The following ZNF497 variants were observed in gnomAD, a reference collection of about 807,000 sequenced individuals.
ZNF497 encodes the protein zinc finger-like protein.
For synonymous variants in ZNF497, 422 were observed against 313.7 expected (o/e 1.35, Z -3.65); for missense variants, 930 against 714.0 (o/e 1.30, Z -3.45).
At chr19:58,357,707 G>A in intron 2 of ZNF497, 58 bp from the exon 3 acceptor site, 3 of 1,447,084 alleles carry the variant, frequency 2.1e-6, no homozygotes, top group Admixed American at 2.5e-5. Flanking sequence ...CCAGACAGAG[G>A]GCCTGAGGGG....
chr19:58,358,768 T>C (rs1345330778), intron 1 of ZNF497, 183 bp from the exon 2 acceptor site: 1 of 458,784 alleles, frequency 2.2e-6, no homozygotes, highest in Admixed American at 2.4e-5. Flanking sequence ...ACCACCAAAC[T>C]CCCACCTGTC....
chr19:58,354,689 C>G lies in ZNF497; in HGVS notation c.*1450G>C, dbSNP rs2148003883. The G allele has an allele frequency of 6.6e-6, 1 of 152,618 alleles. No homozygotes were observed. Among genetic ancestry groups the G allele is most frequent in the Non-Finnish European group, 1.5e-5 (1 of 68,254 alleles). 9.5% of individuals were successfully genotyped at this position (152,618 alleles called of 1,614,324 possible). A position where few individuals can be genotyped will look rare whatever the true frequency, so the allele number is the denominator to read the frequency against. On this transcript the variant is annotated 3_prime_UTR_variant, in exon 3 of 3. Coordinates refer to ENST00000311044, the MANE Select transcript of ZNF497 (RefSeq NM_198458.3). The stretch of plus-strand genomic sequence containing the variant: ...TCTCTGTCCTGCTCAGAGCCAGTAC[C>G]TGGATGGAGGCTGTGTGTTCTGGGT...
In ZNF497 at chr19:58,355,273, G is replaced by C. The variant is rs1398127628; in HGVS notation, c.*866C>G. ...GCCTATAATCCCAACGCTTTGGGAG[G>C]CTGAGGCAGGAGGATCACTTGAGCC... On this transcript the variant is annotated 3_prime_UTR_variant, in exon 3 of 3. Transcript: ENST00000311044. The C allele has an allele frequency of 6.6e-6, 1 of 152,418 alleles. No individual in the cohort carries two copies. Among genetic ancestry groups the C allele is most frequent in the Non-Finnish European group, 1.5e-5 (1 of 68,182 alleles). The allele number at this position is 152,418 out of a possible 1,614,324, so 9.4% of individuals were successfully genotyped here.
chr19:58,358,551 G>A lies in ZNF497; in HGVS notation c.-77C>T. 1.7e-6 allele frequency: 2 copies of A among 1,188,946 alleles called. No homozygotes were observed. The highest frequency in any genetic ancestry group is 2.1e-6 in the Non-Finnish European group (2 of 941,510). The allele number at this position is 1,188,946 out of a possible 1,614,324, so 73.6% of individuals were successfully genotyped here. A position where few individuals can be genotyped will look rare whatever the true frequency, so the allele number is the denominator to read the frequency against. On this transcript the variant is annotated 5_prime_UTR_variant, in exon 2 of 3. Coordinates refer to ENST00000311044, the MANE Select transcript of ZNF497 (RefSeq NM_198458.3). The stretch of plus-strand genomic sequence containing the variant: ...TTGCTCCTCTCCCTCCTCTGTCCTG[G>A]GGACCAGCTCCTCTTGGGGCCTGGG...
chr19:58,356,753 T>G lies in ZNF497; in HGVS notation c.883A>C (p.Thr295Pro). The change falls in exon 3 of 3, where the codon ACG becomes CCG. Residue 295 changes from threonine to proline, a missense_variant. By Grantham distance (38) the Thr-to-Pro change is conservative. Coordinates refer to ENST00000311044, the MANE Select transcript of ZNF497 (RefSeq NM_198458.3). ...RVAGLRQHRR[T>P]HSSEKPFPCA... The stretch of plus-strand genomic sequence containing the variant: ...GGGAAGGGCTTCTCGCTGCTGTGCG[T>G]GCGCCGGTGCTGCCGCAGCCCCGCC... 1 of 1,560,964 alleles carries G rather than the reference T, an allele frequency of 6.4e-7. No homozygotes were observed. Among genetic ancestry groups the G allele is most frequent in the Non-Finnish European group, 8.6e-7 (1 of 1,160,558 alleles).
rs1217532970 is a variant in ZNF497, at chr19:58,355,890, G to GGA, written c.*247_*248dup. 7 of 473,432 alleles carry GGA rather than the reference G, an allele frequency of 1.5e-5. No individual in the cohort carries two copies. Among genetic ancestry groups the GGA allele is most frequent in the Non-Finnish European group, 2.6e-5 (7 of 272,192 alleles). The allele number at this position is 473,432 out of a possible 1,614,324, so 29.3% of individuals were successfully genotyped here. ...GCATGGACGAACCTCTCGCCGAAGT[G>GGA]GAGCCTGCCGCCCTCCCTGGGGTAA... is the stretch of plus-strand genomic sequence containing the variant. On this transcript the variant is annotated 3_prime_UTR_variant, in exon 3 of 3. Coordinates refer to ENST00000311044, the MANE Select transcript of ZNF497 (RefSeq NM_198458.3).
chr19:58,358,279 C>T, intron 2 of ZNF497: 1 of 1,289,600 alleles, frequency 7.8e-7, no homozygotes, highest in Middle Eastern at 2.1e-4. Flanking sequence ...GCTGTGCAGC[C>T]CAGATCCCTG....
intron 1 of ZNF497, among the ~76,000 whole-genome samples, chr19:58,360,976 G>A (rs1345931327): frequency 6.6e-6 from 1 of 151,864 alleles, no homozygotes; most frequent in Admixed American, 6.6e-5. Context: ...TAGAGCCGGG[G>A]TTTCACCGTG....
intron 2 of ZNF497, 23 bp downstream of exon 2, chr19:58,358,466 C>T (rs1262384778): frequency 1.8e-6 from 2 of 1,092,756 alleles, no homozygotes; most frequent in African/African-American, 1.8e-5. Flanking sequence ...AGGGCAGGGA[C>T]AAGTGTGTAG....
intron 1 of ZNF497, among the ~76,000 whole-genome samples, chr19:58,359,971 CAAAA>C (rs36026323): frequency 7.4e-6 from 1 of 136,026 alleles, no homozygotes. Flanking sequence ...GACTCTGTCT[CAAAA>C]AAAAAAAAAA....
At chr19:58,360,289 G>A (rs1379018060) in intron 1 of ZNF497, among the ~76,000 whole-genome samples, 2 of 152,046 alleles carry the variant, frequency 1.3e-5, no homozygotes, top group Non-Finnish European at 2.9e-5. Flanking sequence ...AGGATGAATT[G>A]TATGGTATTT....
chr19:58,356,411 T>A lies in ZNF497; in HGVS notation c.1225A>T (p.Thr409Ser). The change falls in exon 3 of 3, where the codon ACG becomes TCG. Residue 409 changes from threonine (T) to serine (S), a missense_variant. Thr to Ser is a moderately conservative substitution (Grantham distance 58). Transcript: ENST00000311044. ...SGLAHHRLSH[T>S]GERPFACAEC... ...GCGCAGGCGAAGGGTCGCTCTCCCG[T>A]GTGCGAAAGCCGGTGGTGCGCCAGG... 6.4e-7 allele frequency: 1 copy of A among 1,564,984 alleles called. No individual in the cohort carries two copies. The highest frequency in any genetic ancestry group is 8.6e-7 in the Non-Finnish European group (1 of 1,160,222).
chr19:58,356,397 G>C lies in ZNF497; in HGVS notation c.1239C>G (p.Pro413=). The stretch of plus-strand genomic sequence containing the variant: ...CCTTGCCGCATTCTGCGCAGGCGAA[G>C]GGTCGCTCTCCCGTGTGCGAAAGCC... ...HHRLSHTGER[P]FACAECGKAF... The change falls in exon 3 of 3, where the codon CCC becomes CCG. Residue 413 remains proline (P), a synonymous_variant. Transcript: ENST00000311044. 1 of 1,566,050 alleles carries C rather than the reference G, an allele frequency of 6.4e-7. No individual in the cohort carries two copies. The highest frequency in any genetic ancestry group is 8.6e-7 in the Non-Finnish European group (1 of 1,160,102).
rs531695091 is a variant in ZNF497 at position 58,357,230 on chromosome 19, A to G, written c.406T>C (p.Cys136Arg). ...RVHTGEKPYT[C>R]PECGKAFAWS... is the part of the protein sequence containing the mutation. The stretch of plus-strand genomic sequence containing the variant: ...GCGAAGGCCTTGCCGCACTCGGGGC[A>G]CGTGTACGGCTTCTCGCCTGTGTGC... Residue 136 changes from cysteine to arginine, a missense_variant, in exon 3 of 3, where the codon TGC becomes CGC. Cys to Arg is a radical substitution (Grantham distance 180). Transcript: ENST00000311044. 3 of 1,613,110 alleles carry G rather than the reference A, an allele frequency of 1.9e-6. No individual in the cohort carries two copies. The highest frequency in any genetic ancestry group is 3.3e-5 in the Admixed American group (2 of 59,990).
intron 1 of ZNF497, among the ~76,000 whole-genome samples, chr19:58,359,983 AAAG>A (rs1047646602): frequency 7.9e-5 from 12 of 152,164 alleles, no homozygotes; most frequent in South Asian, 4.1e-4. Flanking sequence ...AAAAAAAAAA[AAAG>A]AGAATAAATA....
intron 1 of ZNF497, among the ~76,000 whole-genome samples, chr19:58,361,226 A>G (rs1230160927): frequency 1.3e-5 from 2 of 152,220 alleles, no homozygotes; most frequent in African/African-American, 2.4e-5. Context: ...ACAGATTACT[A>G]GTTGACAAAA....
At position 58,357,429 on chromosome 19, in the gene ZNF497, G is replaced by A. The variant is rs773835565; in HGVS notation, c.207C>T (p.Gly69=). 6.2e-7 allele frequency: 1 copy of A among 1,601,074 alleles called. No homozygotes were observed. The highest frequency in any genetic ancestry group is 1.1e-5 in the South Asian group (1 of 90,022). Reference sequence around the variant, plus strand: ...CTGCGGGGCCCAGCTCCCTGCCGGGGCCTCCCTGTTCGTCCGCCGCCCCCA... The same window carrying A: ...CTGCGGGGCCCAGCTCCCTGCCGGGACCTCCCTGTTCGTCCGCCGCCCCCA... ...ATLGAADEQG[G]PGRELGPADG... The change falls in exon 3 of 3, where the codon GGC becomes GGT. Residue 69 remains glycine (G), a synonymous_variant. Transcript: ENST00000311044.
At chr19:58,358,462 G>A (rs954356511) in intron 2 of ZNF497, 27 bp downstream of exon 2, 16 of 1,150,196 alleles carry the variant, frequency 1.4e-5, no homozygotes, top group Non-Finnish European at 1.7e-5. Flanking sequence ...AGGCAGGGCA[G>A]GGACAAGTGT....
rs780527790 is a variant in ZNF497 at position 58,356,914 on chromosome 19, G to T, written c.722C>A (p.Thr241Lys). ...CCGGCAGGCGTGCGGCCGCGCGCCCGTGTGCACGCGCCGGTGCTCCAGGAA... is the reference window on the plus strand; with the variant it reads ...CCGGCAGGCGTGCGGCCGCGCGCCCTTGTGCACGCGCCGGTGCTCCAGGAA... Reference protein sequence around the residue: ...SNFLEHRRVHTGARPHACRDC... With the variant: ...SNFLEHRRVHKGARPHACRDC... Residue 241 changes from threonine to lysine, a missense_variant, in exon 3 of 3, where the codon ACG becomes AAG. Thr to Lys is a moderately conservative substitution (Grantham distance 78, BLOSUM62 -1). Transcript: ENST00000311044. 3.3e-5 allele frequency: 52 copies of T among 1,593,728 alleles called. No homozygotes were observed. The highest frequency in any genetic ancestry group is 4.3e-5 in the Non-Finnish European group (51 of 1,174,438).
Sources: allele counts gnomAD v4.1 joint callset (sites outside exome capture counted in the v4.1 genomes callset), GRCh38; gene constraint gnomAD v4.1.1; transcripts MANE v1.5; gene names NCBI Gene and HGNC (gene_info 2026-07-23, HGNC 2026-07-21).